The following CLCN5 variants were observed in gnomAD, a reference collection of about 807,000 sequenced individuals.
CLCN5 encodes H(+)/Cl(-) exchange transporter 5.
A neutral mutation model predicts 54.0 loss-of-function variants in CLCN5; 17 were observed. The ratio of observed to expected loss-of-function variants is 0.31; its 90% CI spans 0.22 to 0.47. The LOEUF is 0.47. CLCN5 is among the 20% of genes least tolerant of loss of function. The pLI, the probability that CLCN5 is intolerant of heterozygous loss-of-function variation, is 1.00. For synonymous variants in CLCN5, 222 were observed against 233.0 expected (o/e 0.95, Z 0.43); for missense variants, 448 against 646.7 (o/e 0.69, Z 3.33).
chrX:50,080,668 T>C lies in CLCN5; in HGVS notation c.678T>C (p.Ser226=). ...WALLFAFLAV[S]LVKVFAPYAC... ...TCCTATTTGCCTTCCTTGCCGTATC[T>C]CTTGTCAAGGTGTTTGCGCCTTATG... The change falls in exon 8 of 15, where the codon TCT becomes TCC. Residue 226 remains serine (S), a synonymous_variant. Coordinates refer to ENST00000376091, the MANE Select transcript of CLCN5 (RefSeq NM_001127898.4). 1.7e-6 allele frequency: 2 copies of C among 1,204,668 alleles called. No homozygotes were observed. The highest frequency in any genetic ancestry group is 2.2e-6 in the Non-Finnish European group (2 of 889,168).
At chrX:50,064,225 T>G (rs1315103614) in intron 4 of CLCN5, among the ~76,000 whole-genome samples, 32 of 111,289 alleles carry the variant, frequency 2.9e-4, no homozygotes, top group Admixed American at 2.0e-3. Context: ...AAATTGTCCC[T>G]GTTTGCAGAT....
intron 3 of CLCN5, among the ~76,000 whole-genome samples, chrX:49,969,742 G>C (rs1488745875): frequency 8.9e-6 from 1 of 112,105 alleles, no homozygotes; most frequent in African/African-American, 3.2e-5. Flanking sequence ...GGCTTCTGCT[G>C]TTGTTGGGTG....
At chrX:49,939,988 A>G (rs1386041577) in intron 3 of CLCN5, among the ~76,000 whole-genome samples, 1 of 111,698 alleles carries the variant, frequency 9.0e-6, no homozygotes, top group African/African-American at 3.3e-5. Flanking sequence ...AGTTCTGACC[A>G]TGACAGCTCT....
chrX:50,092,577 T>G lies in CLCN5; in HGVS notation c.*358T>G, dbSNP rs1602136284. 2 of 175,170 alleles carry G rather than the reference T, an allele frequency of 1.1e-5. No individual in the cohort carries two copies. The highest frequency in any genetic ancestry group is 2.1e-5 in the Non-Finnish European group (2 of 93,531). 14.4% of individuals were successfully genotyped at this position (175,170 alleles called of 1,213,427 possible). A position where few individuals can be genotyped will look rare whatever the true frequency, so the allele number is the denominator to read the frequency against. On this transcript the variant is annotated 3_prime_UTR_variant, in exon 15 of 15. Transcript: ENST00000376091. ...AAGAGAAATTCCAACCGTCCTGACC[T>G]ATAACCTGTAGGAAACCGACGAAAA...
At chrX:50,046,360 C>G (rs1233522069) in intron 4 of CLCN5, among the ~76,000 whole-genome samples, 1 of 112,138 alleles carries the variant, frequency 8.9e-6, no homozygotes, top group Non-Finnish European at 1.9e-5. Flanking sequence ...TTCGATTCCC[C>G]TTTTTTCCTC....
chrX:49,974,970 A>G (rs782708343), intron 3 of CLCN5, among the ~76,000 whole-genome samples: 1 of 112,068 alleles, frequency 8.9e-6, no homozygotes, highest in Admixed American at 9.5e-5. Context: ...GCTTCTTTAT[A>G]CAAGGCACAG....
chrX:50,082,788 G>A (rs1464396045), intron 9 of CLCN5, among the ~76,000 whole-genome samples: 4 of 111,909 alleles, frequency 3.6e-5, no homozygotes, highest in African/African-American at 1.3e-4. Context: ...TATTGCTATG[G>A]AATAGTACAT....
chrX:50,003,656 C>T, intron 3 of CLCN5: 1 of 307,187 alleles, frequency 3.3e-6, no homozygotes, highest in Non-Finnish European at 6.8e-6. Context: ...AAGAAAAACA[C>T]ACACCCATGT....
chrX:49,964,562 C>G lies in CLCN5; in HGVS notation c.16+39248C>G, dbSNP rs1168822006. ...ACTCTATTTCCACAATCTGTGGGATCTATACTAAGCTGCAAATAGGTTCTT... is the reference window on the plus strand; with the variant it reads ...ACTCTATTTCCACAATCTGTGGGATGTATACTAAGCTGCAAATAGGTTCTT... On this transcript the variant is annotated intron_variant, in intron 3 of 14. Transcript: ENST00000376091. Among the ~76,000 whole-genome samples, 8 of 110,900 alleles carry G rather than the reference C, an allele frequency of 7.2e-5. No homozygotes were observed. In the East Asian group the frequency reaches 8.5e-4, roughly 12 times the overall value.
At chrX:49,969,314 G>T (rs968718020) in intron 3 of CLCN5, among the ~76,000 whole-genome samples, 1 of 112,056 alleles carries the variant, frequency 8.9e-6, no homozygotes, top group Admixed American at 9.4e-5. Flanking sequence ...CTGACCGCAG[G>T]TGATCTGCCT....
chrX:50,068,980 G>A (rs1388023335), intron 4 of CLCN5, among the ~76,000 whole-genome samples: 2 of 111,858 alleles, frequency 1.8e-5, no homozygotes, highest in Non-Finnish European at 3.8e-5. Context: ...AGTATAGCTT[G>A]TGAGTTTAAA....
chrX:50,035,679 T>G (rs1931961475), intron 3 of CLCN5, among the ~76,000 whole-genome samples: 1 of 112,234 alleles, frequency 8.9e-6, no homozygotes, highest in South Asian at 3.7e-4. Flanking sequence ...TGAAAGTACG[T>G]GGCCTAGGTA....
At chrX:49,937,884 T>A (rs1403746954) in intron 3 of CLCN5, among the ~76,000 whole-genome samples, 1 of 111,774 alleles carries the variant, frequency 8.9e-6, no homozygotes, top group Non-Finnish European at 1.9e-5. Flanking sequence ...GTAGAGAAGA[T>A]ATAAATTACC....
At chrX:49,924,230 C>T (rs1557167650) in intron 2 of CLCN5, among the ~76,000 whole-genome samples, 1 of 107,837 alleles carries the variant, frequency 9.3e-6, no homozygotes, top group African/African-American at 3.4e-5. Flanking sequence ...CTCACTGCAA[C>T]CTCCGCCTCC....
Position 49,946,037 on chromosome X carries a change from A to G in CLCN5, c.16+20723A>G, listed in dbSNP as rs370723378. ...CTCCCAAAGTGCTAGGACTACAGGC[A>G]TGAGCCACTGTGCTCAGCCTAGTTT... On this transcript the variant is annotated intron_variant, in intron 3 of 14. Coordinates refer to ENST00000376091, the MANE Select transcript of CLCN5 (RefSeq NM_001127898.4). 6.3e-5 allele frequency among the ~76,000 whole-genome samples: 7 copies of G among 111,813 alleles called. No homozygotes were observed. The East Asian group carries it at 2.0e-3, about 31-fold the overall frequency.
intron 3 of CLCN5, among the ~76,000 whole-genome samples, chrX:50,029,713 A>G (rs782291500): frequency 2.7e-5 from 3 of 111,989 alleles, no homozygotes; most frequent in South Asian, 3.8e-4. Flanking sequence ...TAGAATGGCA[A>G]TCATTAAAAA....
intron 3 of CLCN5, among the ~76,000 whole-genome samples, chrX:49,961,289 A>G (rs1557174639): frequency 8.9e-6 from 1 of 111,887 alleles, no homozygotes. Context: ...TACAGATGAG[A>G]TGATGATGAT....
chrX:49,934,390 A>G (rs7057618), intron 3 of CLCN5, among the ~76,000 whole-genome samples: 14,914 of 110,737 alleles, frequency 0.13, 2,480 homozygotes, highest in African/African-American at 0.47. Flanking sequence ...TGGGGGAGGC[A>G]GGACTAGAAA....
chrX:49,963,994 A>G (rs945745190), intron 3 of CLCN5, among the ~76,000 whole-genome samples: 4 of 112,238 alleles, frequency 3.6e-5, no homozygotes, highest in Non-Finnish European at 7.5e-5. Context: ...CTCTGACTAT[A>G]TAAATAACAA....
Sources: gnomAD v4.1 joint callset for allele counts (sites outside exome capture counted in the v4.1 genomes callset) on GRCh38, gnomAD v4.1.1 for gene constraint, MANE v1.5 for transcripts, NCBI Gene and HGNC (gene_info 2026-07-23, HGNC 2026-07-21) for gene names.